CACHD1: variants seen among roughly 807,000 people sequenced by gnomAD.
The protein encoded by CACHD1 is VWFA and cache domain-containing protein 1.
A neutral mutation model predicts 138.7 loss-of-function variants in CACHD1; 71 were observed. The observed-to-expected ratio is 0.51, with a 90% CI of 0.42 to 0.62. The LOEUF (loss-of-function observed/expected upper bound fraction) is 0.62, where lower values mean the gene tolerates loss of function less well. CACHD1 is among the 20% of genes least tolerant of loss of function. The pLI, the probability that CACHD1 is intolerant of heterozygous loss-of-function variation, is 0.00. For missense variants in CACHD1, 1,389 were observed against 1,625.3 expected, an observed-to-expected ratio of 0.85 and a Z score of 2.50; for synonymous variants, 578 against 591.5, an observed-to-expected ratio of 0.98 and a Z score of 0.33.
intron 2 of CACHD1, among the ~76,000 whole-genome samples, chr1:64,573,138 AC>A (rs1406204988): frequency 6.6e-6 from 1 of 152,112 alleles, no homozygotes; most frequent in African/African-American, 2.4e-5. Context: ...TGAAGCCCTA[AC>A]CCCCAATGTG....
chr1:64,667,856 T>C (rs982792924), intron 16 of CACHD1, among the ~76,000 whole-genome samples: 1 of 152,222 alleles, frequency 6.6e-6, no homozygotes, highest in Non-Finnish European at 1.5e-5. Flanking sequence ...TCTAGACATA[T>C]TCTTTTTGTT....
At chr1:64,499,412 A>C (rs1445531768) in intron 1 of CACHD1, among the ~76,000 whole-genome samples, 1 of 152,236 alleles carries the variant, frequency 6.6e-6, no homozygotes, top group African/African-American at 2.4e-5. Flanking sequence ...ACAGGCCAGA[A>C]AGGAGTCTGC....
chr1:64,593,037 G>T (rs1647120408), intron 3 of CACHD1, among the ~76,000 whole-genome samples: 1 of 152,100 alleles, frequency 6.6e-6, no homozygotes, highest in South Asian at 2.1e-4. Flanking sequence ...TTAACTAAAG[G>T]GTGAAAAGAG....
In CACHD1 at chr1:64,616,420, A is replaced by G. The variant is rs564658056; in HGVS notation, c.518-12935A>G. Among the ~76,000 whole-genome samples the G allele has an allele frequency of 5.3e-5, 8 of 152,300 alleles. No individual in the cohort carries two copies. In the East Asian group the frequency reaches 1.5e-3, roughly 29 times the overall value. On this transcript the variant is annotated intron_variant, in intron 4 of 26. Coordinates refer to ENST00000651257, the MANE Select transcript of CACHD1 (RefSeq NM_020925.4). ...TGATAACATGCTAAGTGCTGTGATGATAAAGGTGAACCCTGGGCACTTGAC... is the reference window on the plus strand; with the variant it reads ...TGATAACATGCTAAGTGCTGTGATGGTAAAGGTGAACCCTGGGCACTTGAC...
intron 2 of CACHD1, among the ~76,000 whole-genome samples, chr1:64,573,819 C>T (rs1228384171): frequency 6.6e-6 from 1 of 151,998 alleles, no homozygotes; most frequent in African/African-American, 2.4e-5. Context: ...GTAAAAATAG[C>T]ATAGGGTGAT....
chr1:64,629,519 T>C (rs781382043), intron 5 of CACHD1, 38 bp downstream of exon 5: 2 of 1,599,778 alleles, frequency 1.3e-6, no homozygotes, highest in East Asian at 2.2e-5. Context: ...TAATTATTGC[T>C]TAAGAGTGAT....
chr1:64,671,412 G>C, intron 16 of CACHD1, 152 bp from the exon 17 acceptor site: 1 of 775,244 alleles, frequency 1.3e-6, no homozygotes, highest in Non-Finnish European at 2.1e-6. Flanking sequence ...TGTTAAATCA[G>C]TCACTTAGTT....
intron 8 of CACHD1, among the ~76,000 whole-genome samples, chr1:64,644,651 A>G (rs1325886697): frequency 6.6e-6 from 1 of 152,218 alleles, no homozygotes; most frequent in Non-Finnish European, 1.5e-5. Context: ...TAATCTAACC[A>G]GACACACATC....
intron 4 of CACHD1, among the ~76,000 whole-genome samples, chr1:64,615,209 C>T (rs1647670117): frequency 1.3e-5 from 2 of 152,244 alleles, no homozygotes; most frequent in South Asian, 4.1e-4. Context: ...CACCTCCCCT[C>T]ACCCTTCTAG....
intron 9 of CACHD1, among the ~76,000 whole-genome samples, 190 bp downstream of exon 9, chr1:64,648,224 T>C (rs1419147027): frequency 6.6e-6 from 1 of 152,186 alleles, no homozygotes; most frequent in Non-Finnish European, 1.5e-5. Context: ...ATAATGGATG[T>C]ATCCTCTGGG....
intron 26 of CACHD1, among the ~76,000 whole-genome samples, chr1:64,684,912 C>T (rs1268982346): frequency 4.6e-5 from 7 of 152,162 alleles, no homozygotes; most frequent in Admixed American, 1.3e-4. Flanking sequence ...TGGGTTCAAG[C>T]GATTCTCCTG....
At chr1:64,667,199 C>G (rs1287718446) in intron 16 of CACHD1, among the ~76,000 whole-genome samples, 1 of 152,076 alleles carries the variant, frequency 6.6e-6, no homozygotes, top group East Asian at 1.9e-4. Context: ...CTATTTTTTC[C>G]TAGCAACCAA....
intron 6 of CACHD1, 71 bp from the exon 7 acceptor site, chr1:64,633,973 A>G: frequency 7.9e-7 from 1 of 1,258,336 alleles, no homozygotes; most frequent in South Asian, 1.4e-5. Context: ...CTCTTCTGTT[A>G]CATAAATAAA....
chr1:64,634,017 GGTT>G (rs751276734), intron 6 of CACHD1, 24 bp from the exon 7 acceptor site: 74 of 1,214,668 alleles, frequency 6.1e-5, no homozygotes, highest in Admixed American at 2.6e-4. Context: ...CAAGTTTGGT[GGTT>G]TTTTTTTTTT....
At chr1:64,493,741 T>A (rs988233886) in intron 1 of CACHD1, among the ~76,000 whole-genome samples, 20 of 152,092 alleles carry the variant, frequency 1.3e-4, no homozygotes, top group Non-Finnish European at 2.9e-5. Flanking sequence ...TAATTTTAAA[T>A]CCTCCCTCCT....
chr1:64,667,795 A>G (rs1320001847), intron 16 of CACHD1, among the ~76,000 whole-genome samples: 1 of 152,192 alleles, frequency 6.6e-6, no homozygotes, highest in African/African-American at 2.4e-5. Context: ...AGGTGACCCA[A>G]CTGACTCCTC....
At chr1:64,642,968 G>A (rs1452474171) in intron 8 of CACHD1, among the ~76,000 whole-genome samples, 5 of 137,962 alleles carry the variant, frequency 3.6e-5, no homozygotes, top group Admixed American at 2.4e-4. Flanking sequence ...GAACCCAGGA[G>A]GCAGAGGTTG....
At chr1:64,648,265 A>C (rs1648978487) in intron 9 of CACHD1, among the ~76,000 whole-genome samples, 1 of 152,150 alleles carries the variant, frequency 6.6e-6, no homozygotes, top group Non-Finnish European at 1.5e-5. Flanking sequence ...GAATATCCAA[A>C]AGTTTGTGAA....
At chr1:64,644,383 T>C (rs1258740793) in intron 8 of CACHD1, among the ~76,000 whole-genome samples, 6 of 152,198 alleles carry the variant, frequency 3.9e-5, no homozygotes, top group African/African-American at 7.2e-5. Context: ...GTGAGGAAGA[T>C]AGGTAGACAT....
Sources: gnomAD v4.1 joint callset for allele counts (sites outside exome capture counted in the v4.1 genomes callset) on GRCh38, gnomAD v4.1.1 for gene constraint, MANE v1.5 for transcripts, NCBI Gene and HGNC (gene_info 2026-07-23, HGNC 2026-07-21) for gene names.